The following MPP3 variants were observed in gnomAD, a reference collection of about 807,000 sequenced individuals.
MPP3 encodes the protein MAGUK p55 subfamily member 3.
A neutral mutation model predicts 80.7 loss-of-function variants in MPP3; 48 were observed. That is an observed-to-expected ratio of 0.59 (90% CI 0.47 to 0.76). The LOEUF (loss-of-function observed/expected upper bound fraction) is 0.76, where lower values mean the gene tolerates loss of function less well. Ranked by LOEUF, MPP3 falls within the 30% of genes least tolerant of loss-of-function variation. The pLI is 0.00. For missense variants in MPP3, 620 were observed against 763.0 expected (o/e 0.81, Z 2.21); for synonymous variants, 311 against 297.6 (o/e 1.04, Z -0.46).
In MPP3 at chr17:43,811,171, T is replaced by C. The variant is rs769002122; in HGVS notation, c.1290A>G (p.Glu430=). 3.7e-6 allele frequency: 6 copies of C among 1,614,154 alleles called. No individual in the cohort carries two copies. Among genetic ancestry groups the C allele is most frequent in the Non-Finnish European group, 5.1e-6 (6 of 1,179,972 alleles). Residue 430 remains glutamate (E), a synonymous_variant, in exon 17 of 20, where the codon GAA becomes GAG. Transcript: ENST00000398389. The stretch of plus-strand genomic sequence containing the variant: ...TAGACACAAAGTGATATTCCACTCC[T>C]TCCTTCTCATGGCTCTTTCGGGGCC... ...TTRPRKSHEK[E]GVEYHFVSKQ... is the part of the protein sequence containing the mutation.
intron 5 of MPP3, among the ~76,000 whole-genome samples, chr17:43,830,810 C>T (rs1007146568): frequency 1.3e-5 from 2 of 152,186 alleles, no homozygotes; most frequent in Non-Finnish European, 1.5e-5. Context: ...AATTAAGAAG[C>T]GTTCCTTTAA....
In MPP3 at chr17:43,810,544, C is replaced by T. The variant is rs370333661; in HGVS notation, c.1458+263G>A. On this transcript the variant is annotated intron_variant, in intron 18 of 19. Transcript: ENST00000398389. ...CCACCAACTATTGCATGATCTGTTC[C>T]ACGCAGGAGTTACTAGCCTGGGTCT... Among the ~76,000 whole-genome samples the T allele has an allele frequency of 5.3e-5, 8 of 152,276 alleles. No homozygotes were observed. The South Asian group carries it at 6.2e-4, about 12-fold the overall frequency.
chr17:43,810,258 ATGGTT>A (rs2044791780), intron 18 of MPP3, among the ~76,000 whole-genome samples: 1 of 152,164 alleles, frequency 6.6e-6, no homozygotes, highest in Non-Finnish European at 1.5e-5. Flanking sequence ...GGTTAAAAAG[ATGGTT>A]AAGCCCCTGC....
Position 43,820,847 on chromosome 17 carries a change from A to C in MPP3, c.881+15T>G. ...CACTCTGGAACCAGCCCTTCACAAC[A>C]TACCCCAGACCCACCTCTCCTGGAA... On this transcript the variant is annotated intron_variant, in intron 11 of 19. Coordinates refer to ENST00000398389, the MANE Select transcript of MPP3 (RefSeq NM_001932.6). 1.2e-6 allele frequency: 2 copies of C among 1,613,570 alleles called. No homozygotes were observed. The highest frequency in any genetic ancestry group is 1.7e-6 in the Non-Finnish European group (2 of 1,179,668).
At chr17:43,832,281 C>T in intron 2 of MPP3, 1 of 316,762 alleles carries the variant, frequency 3.2e-6, no homozygotes, top group South Asian at 3.4e-5. Flanking sequence ...TTCAAGCAGG[C>T]TCTTCCAGGC....
intron 12 of MPP3, 98 bp downstream of exon 12, chr17:43,817,948 G>T: frequency 1.7e-5 from 16 of 934,278 alleles, no homozygotes; most frequent in Non-Finnish European, 2.4e-5. Context: ...GACCCCTGAT[G>T]CCCCCTCCAG....
At chr17:43,812,958 C>T (rs546302846) in intron 16 of MPP3, among the ~76,000 whole-genome samples, 1 of 152,138 alleles carries the variant, frequency 6.6e-6, no homozygotes, top group Admixed American at 6.5e-5. Flanking sequence ...AACCCACAGA[C>T]TAGACGCTGG....
Position 43,824,007 on chromosome 17 carries a change from TGAAAC to T in MPP3, c.610-7_610-3del. On this transcript the variant is annotated splice_polypyrimidine_tract_variant and splice_region_variant and intron_variant, in intron 9 of 19. Transcript: ENST00000398389. ...GGTGATGGATCCCTGGGACTGGGCC[TGAAAC>T]GAAAGAGAACAGAAGCTTCTCGCCT... 1 of 1,603,880 alleles carries T rather than the reference TGAAAC, an allele frequency of 6.2e-7. No individual in the cohort carries two copies. Among genetic ancestry groups the T allele is most frequent in the Non-Finnish European group, 8.5e-7 (1 of 1,174,586 alleles).
At chr17:43,831,223 A>G (rs576456735) in intron 5 of MPP3, 21 bp downstream of exon 5, 1 of 1,613,146 alleles carries the variant, frequency 6.2e-7, no homozygotes, top group South Asian at 1.1e-5. Flanking sequence ...CAGACACTGT[A>G]AGGAGAAACC....
intron 2 of MPP3, among the ~76,000 whole-genome samples, chr17:43,832,502 G>C (rs886068438): frequency 6.6e-6 from 1 of 152,196 alleles, no homozygotes; most frequent in Non-Finnish European, 1.5e-5. Flanking sequence ...CAGAGAGGAG[G>C]GGGGGAAATG....
intron 19 of MPP3, among the ~76,000 whole-genome samples, chr17:43,806,247 ACT>A (rs2044609039): frequency 6.6e-6 from 1 of 151,718 alleles, no homozygotes; most frequent in African/African-American, 2.4e-5. Flanking sequence ...CTCACTGAAA[ACT>A]CTGCCTCCCA....
At chr17:43,825,593 C>T in intron 9 of MPP3, 163 bp downstream of exon 9, 2 of 582,086 alleles carry the variant, frequency 3.4e-6, no homozygotes. Context: ...GCTGCCACCC[C>T]ATACCCCGGG....
chr17:43,828,029 G>T (rs555612608), intron 7 of MPP3, among the ~76,000 whole-genome samples, 197 bp from the exon 8 acceptor site: 1 of 152,268 alleles, frequency 6.6e-6, no homozygotes, highest in South Asian at 2.1e-4. Context: ...AGTTTACAAG[G>T]CACAATAATG....
rs184930941 is a variant in MPP3, at chr17:43,828,783, G to C, written c.441+871C>G. On this transcript the variant is annotated intron_variant, in intron 7 of 19. Coordinates refer to ENST00000398389, the MANE Select transcript of MPP3 (RefSeq NM_001932.6). Reference sequence around the variant, plus strand: ...TCAGGACTTCTAGCCCCCCAGAACTGAGAACTTTCCAGCATCGCTATCCAT... The same window carrying C: ...TCAGGACTTCTAGCCCCCCAGAACTCAGAACTTTCCAGCATCGCTATCCAT... Among the ~76,000 whole-genome samples the C allele has an allele frequency of 2.1e-4, 32 of 152,318 alleles. No homozygotes were observed. The East Asian group carries it at 4.8e-3, about 23-fold the overall frequency.
At chr17:43,832,975 C>T (rs1404085595) in intron 1 of MPP3, 126 bp downstream of exon 1, 1 of 151,810 alleles carries the variant, frequency 6.6e-6, no homozygotes, top group Non-Finnish European at 1.5e-5. Flanking sequence ...GGGGTTGAGA[C>T]TCCCGCGGTG....
chr17:43,808,858 A>C, intron 19 of MPP3, 98 bp downstream of exon 19: 5 of 1,368,056 alleles, frequency 3.7e-6, no homozygotes, highest in Non-Finnish European at 4.9e-6. Context: ...TGTGTCCCGC[A>C]TCCCTCTTCA....
At chr17:43,831,105 A>G (rs942897520) in intron 5 of MPP3, 139 bp downstream of exon 5, 3 of 742,228 alleles carry the variant, frequency 4.0e-6, no homozygotes, top group African/African-American at 1.7e-5. Flanking sequence ...GAGAAGGAGG[A>G]GGACAAGGGA....
At position 43,827,774 on chromosome 17, in the gene MPP3, C is replaced by T. The variant is rs1392578865; in HGVS notation, c.500G>A (p.Arg167Gln). ...SGAVVVARIM[R>Q]GGAADRSGLV... ...ACCGCTCCTGTCTGCTGCGCCTCCT[C>T]GCATGATCCTGGCCACCACAACAGC... is the stretch of plus-strand genomic sequence containing the variant. The change falls in exon 8 of 20, where the codon CGA becomes CAA. Residue 167 changes from arginine to glutamine, a missense_variant. By Grantham distance (43) the Arg-to-Gln change is conservative (BLOSUM62 1). Coordinates refer to ENST00000398389, the MANE Select transcript of MPP3 (RefSeq NM_001932.6). 3.1e-6 allele frequency: 5 copies of T among 1,612,364 alleles called. No homozygotes were observed. The highest frequency in any genetic ancestry group is 2.2e-5 in the East Asian group (1 of 44,892).
chr17:43,828,417 G>C (rs542968134), intron 7 of MPP3, among the ~76,000 whole-genome samples: 2 of 152,334 alleles, frequency 1.3e-5, no homozygotes, highest in Admixed American at 1.3e-4. Flanking sequence ...GACTGCAGCA[G>C]GACGGCAGAA....
Sources: allele counts gnomAD v4.1 joint callset (sites outside exome capture counted in the v4.1 genomes callset), GRCh38; gene constraint gnomAD v4.1.1; transcripts MANE v1.5; gene names NCBI Gene and HGNC (gene_info 2026-07-23, HGNC 2026-07-21).